Variants in LRP2 observed in about 807,000 individuals in gnomAD.
LRP2 encodes low-density lipoprotein receptor-related protein 2.
LRP2 carries 172 observed loss-of-function variants against 531.0 expected under a neutral mutation model. The ratio of observed to expected loss-of-function variants is 0.32; its 90% CI spans 0.29 to 0.37. The LOEUF (loss-of-function observed/expected upper bound fraction) is 0.37. Ranked by LOEUF, LRP2 falls within the 10% of genes least tolerant of loss-of-function variation. The pLI is 1.00. For missense variants in LRP2, 5,167 were observed against 5,868.3 expected (o/e 0.88, Z 3.90); for synonymous variants, 1,992 against 2,027.6 (o/e 0.98, Z 0.47).
At chr2:169,167,796 A>G (rs1055124044) in intron 61 of LRP2, among the ~76,000 whole-genome samples, 3 of 151,642 alleles carry the variant, frequency 2.0e-5, no homozygotes, top group African/African-American at 7.3e-5. Flanking sequence ...AACAAACTCT[A>G]TTTACGTTCA....
intron 63 of LRP2, among the ~76,000 whole-genome samples, chr2:169,158,890 T>C (rs1424173905): frequency 1.3e-5 from 2 of 151,542 alleles, no homozygotes; most frequent in African/African-American, 4.8e-5. Flanking sequence ...GTAGAGCCCA[T>C]ATAAATGATC....
At chr2:169,165,787 G>T in intron 62 of LRP2, 145 bp downstream of exon 62, 1 of 973,526 alleles carries the variant, frequency 1.0e-6, no homozygotes, top group African/African-American at 1.6e-5. Context: ...GTGTTTGCAT[G>T]GTCTTGTAAA....
intron 50 of LRP2, among the ~76,000 whole-genome samples, chr2:169,184,759 T>C (rs189791157): frequency 2.2e-5 from 2 of 92,672 alleles, no homozygotes; most frequent in African/African-American, 8.8e-5. Flanking sequence ...GTTTTTTTTG[T>C]TTTGTTTGTT....
intron 71 of LRP2, among the ~76,000 whole-genome samples, chr2:169,142,392 T>G (rs1454978072): frequency 1.3e-5 from 2 of 152,172 alleles, no homozygotes; most frequent in East Asian, 3.9e-4. Context: ...AAAAACTCAC[T>G]CTTCAAAATG....
chr2:169,169,723 C>T lies in LRP2; in HGVS notation c.11476G>A (p.Ala3826Thr), dbSNP rs756520127. The change falls in exon 60 of 79, where the codon GCG becomes ACG. Residue 3826 changes from alanine to threonine, a missense_variant. Ala to Thr is a moderately conservative substitution (Grantham distance 58). This residue lies in a region of LRP2 where 564 missense variants were observed against 747.7 expected (regional missense o/e 0.75). Coordinates refer to ENST00000649046, the MANE Select transcript of LRP2 (RefSeq NM_004525.3). The stretch of plus-strand genomic sequence containing the variant: ...TTACGACAATCAGCTTCATCAGACG[C>T]ATCCAAACAGTCAGCGGATCCATCG... ...KCDGSADCLD[A>T]SDEADCPTRF... 1.2e-5 allele frequency: 19 copies of T among 1,613,966 alleles called. No individual in the cohort carries two copies. Among genetic ancestry groups the T allele is most frequent in the Admixed American group, 1.7e-5 (1 of 60,010 alleles).
chr2:169,169,685 T>C lies in LRP2; in HGVS notation c.11497+17A>G. On this transcript the variant is annotated intron_variant, in intron 60 of 78. Coordinates refer to ENST00000649046, the MANE Select transcript of LRP2 (RefSeq NM_004525.3). ...GCTCTCAGGTAAGCAGTACTACATATGTGTCTAGGGACTTACGACAATCAG... is the reference window on the plus strand; with the variant it reads ...GCTCTCAGGTAAGCAGTACTACATACGTGTCTAGGGACTTACGACAATCAG... The C allele has an allele frequency of 1.9e-6, 3 of 1,594,006 alleles. No individual in the cohort carries two copies. The highest frequency in any genetic ancestry group is 2.7e-5 in the African/African-American group (2 of 74,586).
intron 19 of LRP2, 89 bp from the exon 20 acceptor site, chr2:169,247,604 T>C: frequency 7.3e-7 from 1 of 1,374,096 alleles, no homozygotes; most frequent in Non-Finnish European, 1.0e-6. Context: ...CTTGAAATGC[T>C]TCTTGCAAGT....
At chr2:169,306,408 C>A (rs1383981398) in intron 4 of LRP2, among the ~76,000 whole-genome samples, 1 of 152,164 alleles carries the variant, frequency 6.6e-6, no homozygotes, top group African/African-American at 2.4e-5. Context: ...GTGGCGCATG[C>A]CTGTAATCCC....
chr2:169,358,564 A>T (rs919872488), intron 1 of LRP2, among the ~76,000 whole-genome samples: 1 of 152,230 alleles, frequency 6.6e-6, no homozygotes, highest in African/African-American at 2.4e-5. Flanking sequence ...CAGAGTTGTG[A>T]TGGAATAAAA....
In LRP2 at chr2:169,138,721, C is replaced by T. The variant is rs751555557; in HGVS notation, c.13389-15G>A. 1.9e-6 allele frequency: 3 copies of T among 1,613,534 alleles called. No individual in the cohort carries two copies. The highest frequency in any genetic ancestry group is 1.3e-5 in the African/African-American group (1 of 74,884). On this transcript the variant is annotated splice_polypyrimidine_tract_variant and intron_variant, in intron 74 of 78. Transcript: ENST00000649046. ...GACTGCTTAAGCTGGAAAGAAGTAA[C>T]CAAAACAGTGTCTTGTTATTTAAAA... is the stretch of plus-strand genomic sequence containing the variant.
At chr2:169,229,652 T>A (rs1252602088) in intron 31 of LRP2, among the ~76,000 whole-genome samples, 3 of 152,196 alleles carry the variant, frequency 2.0e-5, no homozygotes, top group Non-Finnish European at 4.4e-5. Flanking sequence ...AAAGCACTCA[T>A]TATAACATAA....
chr2:169,328,231 G>A lies in LRP2; in HGVS notation c.80-7347C>T, dbSNP rs1438495739. On this transcript the variant is annotated intron_variant, in intron 1 of 78. Transcript: ENST00000649046. ...GCCCGGCCAGCCGCCCCGTCCGGGA[G>A]GGAGGTGGGGGGGTCAGCGCCCCGC... 5.3e-4 allele frequency among the ~76,000 whole-genome samples: 65 copies of A among 123,084 alleles called. 3 individuals are homozygous for A. The highest frequency in any genetic ancestry group is 1.8e-3 in the African/African-American group (61 of 34,142). The allele number at this position is 123,084 out of a possible 152,430, so 80.7% of individuals were successfully genotyped here. A position where few individuals can be genotyped will look rare whatever the true frequency, so the allele number is the denominator to read the frequency against.
Position 169,206,418 on chromosome 2 carries a change from G to A in LRP2, c.7302C>T (p.Tyr2434=). The part of the protein sequence containing the change: ...LDYDSVSDRI[Y]FTQNLASGVG... ...CTCCAGAGGCTAAATTTTGTGTGAA[G>A]TAGATTCTATCACTTACACTGTCAT... Residue 2434 remains tyrosine (Y), a synonymous_variant, in exon 39 of 79, where the codon TAC becomes TAT. Transcript: ENST00000649046. The A allele has an allele frequency of 6.2e-7, 1 of 1,614,148 alleles. No homozygotes were observed. Among genetic ancestry groups the A allele is most frequent in the South Asian group, 1.1e-5 (1 of 91,088 alleles).
chr2:169,149,680 T>C (rs1686052123), intron 68 of LRP2, among the ~76,000 whole-genome samples: 1 of 151,484 alleles, frequency 6.6e-6, no homozygotes, highest in Non-Finnish European at 1.5e-5. Flanking sequence ...CTACTGAAAA[T>C]ACAAAAATTA....
intron 1 of LRP2, among the ~76,000 whole-genome samples, chr2:169,331,221 C>G (rs544292823): frequency 2.6e-5 from 4 of 152,222 alleles, no homozygotes; most frequent in Non-Finnish European, 4.4e-5. Flanking sequence ...GCAAACTTTT[C>G]CCGTCCGTAT....
intron 11 of LRP2, 93 bp downstream of exon 11, chr2:169,280,253 AAAAC>A (rs1342227759): frequency 1.3e-5 from 18 of 1,382,552 alleles, no homozygotes; most frequent in Non-Finnish European, 1.8e-5. Context: ...TTTTTGTTAG[AAAAC>A]AAAGGAACTT....
At chr2:169,143,034 G>T (rs1574067649) in intron 70 of LRP2, among the ~76,000 whole-genome samples, 1 of 152,174 alleles carries the variant, frequency 6.6e-6, no homozygotes, top group South Asian at 2.1e-4. Flanking sequence ...TTTTCTATTG[G>T]CATCACTTAT....
Position 169,232,599 on chromosome 2 carries a change from G to C in LRP2, c.5099-757C>G, listed in dbSNP as rs545565943. ...GGGTAAAGAGCAAAAGAATTATGAG[G>C]GGGTGGCTATTTTAGGTAGAGCGGT... is the stretch of plus-strand genomic sequence containing the variant. On this transcript the variant is annotated intron_variant, in intron 30 of 78. Coordinates refer to ENST00000649046, the MANE Select transcript of LRP2 (RefSeq NM_004525.3). 3.9e-5 allele frequency among the ~76,000 whole-genome samples: 6 copies of C among 152,204 alleles called. No individual in the cohort carries two copies. In the South Asian group the frequency reaches 8.3e-4, roughly 21 times the overall value.
intron 71 of LRP2, among the ~76,000 whole-genome samples, chr2:169,142,426 A>C (rs1304613354): frequency 6.6e-6 from 1 of 152,218 alleles, no homozygotes; most frequent in Non-Finnish European, 1.5e-5. Context: ...ACACAGCAAT[A>C]GATTTAGGGA....
Sources: gnomAD v4.1 joint callset for allele counts (sites outside exome capture counted in the v4.1 genomes callset) on GRCh38, gnomAD v4.1.1 for gene constraint, gnomAD v4.1.1 regional missense constraint, MANE v1.5 for transcripts, NCBI Gene and HGNC (gene_info 2026-07-23, HGNC 2026-07-21) for gene names.